The following LINGO2 variants were observed in gnomAD, a reference collection of about 807,000 sequenced individuals.
LINGO2 encodes leucine rich repeat and Ig domain containing 2.
A neutral mutation model predicts 30.6 loss-of-function variants in LINGO2; 14 were observed. The observed-to-expected ratio is 0.46, with a 90% CI of 0.30 to 0.72. The LOEUF (loss-of-function observed/expected upper bound fraction) is 0.72. LINGO2 is among the 30% of genes least tolerant of loss of function. The probability of loss-of-function intolerance (pLI) is 0.07; values close to 1 mark genes in which losing one functional copy is unlikely to be tolerated. For synonymous variants in LINGO2, 317 were observed against 288.5 expected, an observed-to-expected ratio of 1.10 and a Z score of -1.00; for missense variants, 729 against 751.7, an observed-to-expected ratio of 0.97 and a Z score of 0.35.
the LINGO2 span, among the ~76,000 whole-genome samples, chr9:28,791,562 T>C: frequency 2.0e-5 from 3 of 152,020 alleles, no homozygotes; most frequent in African/African-American, 7.2e-5. Context: ...TGAAGAAAGA[T>C]TCACTTACTT....
At chr9:28,860,408 T>C in the LINGO2 span, among the ~76,000 whole-genome samples, 2 of 152,008 alleles carry the variant, frequency 1.3e-5, no homozygotes, top group Non-Finnish European at 2.9e-5. Flanking sequence ...ACCTTCCCCA[T>C]GCTTGAAATA....
intron 2 of LINGO2, among the ~76,000 whole-genome samples, chr9:28,394,067 C>A (rs1821947066): frequency 1.3e-5 from 2 of 151,946 alleles, no homozygotes. Flanking sequence ...AAATTTCCTG[C>A]AATATAATGT....
rs181440839 is a variant in LINGO2, at chr9:28,192,075, A to C, written c.-87+103133T>G. Among the ~76,000 whole-genome samples, 66 of 152,208 alleles carry C rather than the reference A, an allele frequency of 4.3e-4. 1 individual carries two copies. The highest frequency in any genetic ancestry group is 1.3e-3 in the African/African-American group (54 of 41,558). On this transcript the variant is annotated intron_variant, in intron 4 of 5. Transcript: ENST00000379992. ...AATATGTACATTTCAAAGGAAACTC[A>C]GATTTAATATAGACAAACCTAAACT... is the stretch of plus-strand genomic sequence containing the variant.
intron 2 of LINGO2, among the ~76,000 whole-genome samples, chr9:28,435,099 T>C (rs1423736998): frequency 6.6e-6 from 1 of 152,074 alleles, no homozygotes; most frequent in Middle Eastern, 3.2e-3. Context: ...TTTTTTATAA[T>C]AAAGAACATA....
intron 4 of LINGO2, among the ~76,000 whole-genome samples, chr9:28,030,390 T>G (rs1350940379): frequency 2.0e-5 from 3 of 152,206 alleles, no homozygotes; most frequent in Non-Finnish European, 4.4e-5. Flanking sequence ...CACCCTAAAC[T>G]AAGACTCATT....
chr9:29,060,756 T>A, the LINGO2 span, among the ~76,000 whole-genome samples: 1 of 151,320 alleles, frequency 6.6e-6, no homozygotes, highest in African/African-American at 2.4e-5. Context: ...TGTTTGAAAT[T>A]AAAAAAAACT....
intron 2 of LINGO2, among the ~76,000 whole-genome samples, chr9:28,380,409 G>A (rs1383984713): frequency 7.6e-6 from 1 of 132,346 alleles, no homozygotes; most frequent in Admixed American, 8.0e-5. Context: ...TTTTTCCAAT[G>A]GTAAGAGTCT....
rs1341001714 is a variant in LINGO2 at position 28,147,779 on chromosome 9, T to C, written c.-86-135374A>G. On this transcript the variant is annotated intron_variant, in intron 4 of 5. Coordinates refer to ENST00000379992, the Ensembl canonical transcript of LINGO2. This position sits in a 1 kb window ranked among gnomAD's most constrained non-coding sequence, Gnocchi z 4.7. ...GAGTCCAGCTGGACCGGTGGAAGGGTCTCACCCTTTGCCCTTTGACTCCTC... is the reference window on the plus strand; with the variant it reads ...GAGTCCAGCTGGACCGGTGGAAGGGCCTCACCCTTTGCCCTTTGACTCCTC... Among the ~76,000 whole-genome samples the C allele has an allele frequency of 6.6e-6, 1 of 151,834 alleles. No homozygotes were observed.
the LINGO2 span, among the ~76,000 whole-genome samples, chr9:29,138,784 C>T: frequency 5.3e-5 from 8 of 152,014 alleles, no homozygotes; most frequent in Admixed American, 2.6e-4. Context: ...ACAACTAATG[C>T]GTCATATAAT....
chr9:27,946,624 T>G (rs529912328), downstream of LINGO2, among the ~76,000 whole-genome samples: 21 of 152,288 alleles, frequency 1.4e-4, 1 homozygote, highest in Middle Eastern at 3.4e-3. Flanking sequence ...GAAGTTTTTT[T>G]GAAATCTCTA....
intron 4 of LINGO2, among the ~76,000 whole-genome samples, chr9:28,025,098 G>A (rs1823314431): frequency 6.6e-6 from 1 of 152,058 alleles, no homozygotes; most frequent in African/African-American, 2.4e-5. Flanking sequence ...ATAATCATGT[G>A]TTGATTACCG....
the LINGO2 span, among the ~76,000 whole-genome samples, chr9:29,073,043 C>T: frequency 6.6e-6 from 1 of 151,518 alleles, no homozygotes; most frequent in Non-Finnish European, 1.5e-5. Context: ...TAGAACCCCC[C>T]TCCAACCCCA....
chr9:28,781,039 A>G, the LINGO2 span, among the ~76,000 whole-genome samples: 3 of 152,262 alleles, frequency 2.0e-5, no homozygotes, highest in African/African-American at 4.8e-5. Flanking sequence ...TTATATACAG[A>G]GTCATAATGT....
intron 3 of LINGO2, among the ~76,000 whole-genome samples, chr9:28,346,112 T>C (rs915409677): frequency 6.6e-6 from 1 of 152,190 alleles, no homozygotes; most frequent in African/African-American, 2.4e-5. Context: ...GTTTGTTATA[T>C]AAACTTGTGT....
At chr9:28,821,524 T>TA in the LINGO2 span, among the ~76,000 whole-genome samples, 1 of 152,174 alleles carries the variant, frequency 6.6e-6, no homozygotes, top group Non-Finnish European at 1.5e-5. Context: ...GCCTTGGAAC[T>TA]AGATGCCTCC....
At chr9:28,226,675 G>C (rs987312614) in intron 4 of LINGO2, among the ~76,000 whole-genome samples, 3 of 95,722 alleles carry the variant, frequency 3.1e-5, no homozygotes, top group African/African-American at 1.8e-4. Flanking sequence ...AAGAAAGAAA[G>C]AAAGAAAGAA....
chr9:28,692,339 G>A, the LINGO2 span, among the ~76,000 whole-genome samples: 1 of 152,014 alleles, frequency 6.6e-6, no homozygotes, highest in Non-Finnish European at 1.5e-5. Flanking sequence ...GCCAAGTGTG[G>A]TGGTGTGCAC....
the LINGO2 span, among the ~76,000 whole-genome samples, chr9:29,098,204 T>C: frequency 6.6e-6 from 1 of 152,140 alleles, no homozygotes; most frequent in Non-Finnish European, 1.5e-5. Context: ...ACTTATCAAA[T>C]AGTGGTTGAG....
At chr9:27,944,755 G>T (rs1022564506), downstream of LINGO2, among the ~76,000 whole-genome samples, 3 of 152,082 alleles carry the variant, frequency 2.0e-5, no homozygotes, top group African/African-American at 7.2e-5. Context: ...TTACCTAAGT[G>T]CTGAGTAGAA....
Sources: gnomAD v4.1 joint callset for allele counts (sites outside exome capture counted in the v4.1 genomes callset) on GRCh38, gnomAD v4.1.1 for gene constraint, Gnocchi (gnomAD v3.1) non-coding constraint, MANE v1.5 for transcripts, NCBI Gene and HGNC (gene_info 2026-07-23, HGNC 2026-07-21) for gene names.